The following PLIN5 variants were observed in gnomAD, a reference collection of about 807,000 sequenced individuals.
PLIN5 encodes the protein perilipin-5.
Under a neutral mutation model 32.8 loss-of-function variants are expected in PLIN5, and 34 were observed. That is an observed-to-expected ratio of 1.04 (90% confidence interval 0.79 to 1.38). The LOEUF is 1.38. PLIN5 is among the 40% of genes most tolerant of loss of function. The pLI, the probability that PLIN5 is intolerant of heterozygous loss-of-function variation, is 0.00. For missense variants in PLIN5, 712 were observed against 660.5 expected (o/e 1.08, Z -0.85); for synonymous variants, 309 against 292.9 (o/e 1.05, Z -0.56).
At chr19:4,533,940 G>T (rs1976917022) in intron 2 of PLIN5, 75 bp downstream of exon 2, 1 of 1,503,636 alleles carries the variant, frequency 6.7e-7, no homozygotes, top group Non-Finnish European at 9.1e-7. Flanking sequence ...GGGATACCTG[G>T]CCTGAAACGC....
chr19:4,532,357 T>G (rs1287533993), intron 2 of PLIN5: 2 of 152,418 alleles, frequency 1.3e-5, no homozygotes, highest in East Asian at 1.9e-4. Flanking sequence ...ATACCCGTTT[T>G]TTTTGTTTGT....
At position 4,535,162 on chromosome 19, in the gene PLIN5, C is replaced by T. The variant is rs766894076; in HGVS notation, c.-22+3G>A. ...TCCCGGACGCCGCCCTCAGGGCACTCACCTGGGCGCGAGCGGCTTCAGACA... is the reference window on the plus strand; with the variant it reads ...TCCCGGACGCCGCCCTCAGGGCACTTACCTGGGCGCGAGCGGCTTCAGACA... On this transcript the variant is annotated splice_donor_region_variant and intron_variant, in intron 1 of 7. Transcript: ENST00000381848. The T allele has an allele frequency of 2.0e-5, 3 of 151,224 alleles. No homozygotes were observed. The highest frequency in any genetic ancestry group is 4.4e-5 in the Non-Finnish European group (3 of 67,692). The allele number at this position is 151,224 out of a possible 1,614,324, so 9.4% of individuals were successfully genotyped here. A position where few individuals can be genotyped will look rare whatever the true frequency, so the allele number is the denominator to read the frequency against.
intron 2 of PLIN5, chr19:4,533,752 C>A: frequency 3.6e-6 from 2 of 559,682 alleles, no homozygotes; most frequent in Non-Finnish European, 6.3e-6. Flanking sequence ...CAGGTGGAGA[C>A]CCAGGGATCA....
Position 4,523,271 on chromosome 19 carries a change from T to C in PLIN5, c.*257A>G, listed in dbSNP as rs558010485. 2.3e-5 allele frequency: 10 copies of C among 427,086 alleles called. No homozygotes were observed. In the South Asian group the frequency reaches 2.4e-4, roughly 10 times the overall value. 26.5% of individuals were successfully genotyped at this position (427,086 alleles called of 1,614,324 possible). A position where few individuals can be genotyped will look rare whatever the true frequency, so the allele number is the denominator to read the frequency against. On this transcript the variant is annotated 3_prime_UTR_variant, in exon 8 of 8. Coordinates refer to ENST00000381848, the MANE Select transcript of PLIN5 (RefSeq NM_001013706.3). The surrounding 1 kb of genome is among the most constrained non-coding windows in gnomAD (Gnocchi z 5.0). ...CTTCATGGAGCCAGGGAGCAGGACA[T>C]AGGTGAAGAACCCAGCTTGTGGCTC... is the stretch of plus-strand genomic sequence containing the variant.
At chr19:4,527,084 T>TC (rs1976813031) in intron 5 of PLIN5, among the ~76,000 whole-genome samples, 1 of 133,000 alleles carries the variant, frequency 7.5e-6, no homozygotes, top group Admixed American at 7.1e-5. Flanking sequence ...GAAAAAAAAT[T>TC]TTTTTTTTTG....
chr19:4,529,595 A>G (rs1389747025), intron 4 of PLIN5, 189 bp downstream of exon 4: 1 of 525,980 alleles, frequency 1.9e-6, no homozygotes, highest in East Asian at 2.9e-5. Context: ...CACTATACGT[A>G]TATACATATA....
intron 3 of PLIN5, among the ~76,000 whole-genome samples, chr19:4,531,395 G>C (rs906215055): frequency 6.6e-6 from 1 of 151,758 alleles, no homozygotes; most frequent in Non-Finnish European, 1.5e-5. Flanking sequence ...CTCCTTCCTC[G>C]GCCTCCCAAA....
chr19:4,527,205 A>G (rs1199103484), intron 5 of PLIN5, among the ~76,000 whole-genome samples: 1 of 151,898 alleles, frequency 6.6e-6, no homozygotes, highest in African/African-American at 2.4e-5. Context: ...CCTCCTGAGT[A>G]GCTGGGACTA....
rs2145323091 is a variant in PLIN5, at chr19:4,525,894, TACGGGGACAGCAC to T, written c.521-75_521-63del. ...ATACGGGGACAGCACGGGGACAGGA[TACGGGGACAGCAC>T]GGGGACAGGATACGGGGACAGCACG... is the stretch of plus-strand genomic sequence containing the variant. On this transcript the variant is annotated intron_variant, in intron 5 of 7. Coordinates refer to ENST00000381848, the MANE Select transcript of PLIN5 (RefSeq NM_001013706.3). This position sits in a 1 kb window ranked among gnomAD's most constrained non-coding sequence, Gnocchi z 5.6. 1.9e-6 allele frequency: 1 copy of T among 525,946 alleles called. No homozygotes were observed. Among genetic ancestry groups the T allele is most frequent in the East Asian group, 2.7e-5 (1 of 36,484 alleles). 32.6% of individuals were successfully genotyped at this position (525,946 alleles called of 1,614,324 possible). A position where few individuals can be genotyped will look rare whatever the true frequency, so the allele number is the denominator to read the frequency against.
intron 2 of PLIN5, chr19:4,533,692 ATTG>A (rs921363653): frequency 2.3e-5 from 12 of 511,614 alleles, no homozygotes; most frequent in Admixed American, 1.7e-4. Flanking sequence ...TGCTCTTACT[ATTG>A]TTGTTACTGA....
Position 4,523,482 on chromosome 19 carries a change from G to T in PLIN5, c.*46C>A. 6.6e-7 allele frequency: 1 copy of T among 1,510,786 alleles called. No individual in the cohort carries two copies. Among genetic ancestry groups the T allele is most frequent in the Non-Finnish European group, 8.9e-7 (1 of 1,126,922 alleles). The allele number at this position is 1,510,786 out of a possible 1,614,324, so 93.6% of individuals were successfully genotyped here. ...TGGCCACCAGGGGGCAGCAGGGATCGGGGTGTGCAGGTGGCCTTTCCTCCC... is the reference window on the plus strand; with the variant it reads ...TGGCCACCAGGGGGCAGCAGGGATCTGGGTGTGCAGGTGGCCTTTCCTCCC... On this transcript the variant is annotated 3_prime_UTR_variant, in exon 8 of 8. Transcript: ENST00000381848. The surrounding 1 kb of genome is among the most constrained non-coding windows in gnomAD (Gnocchi z 5.0).
Position 4,531,674 on chromosome 19 carries a change from C to T in PLIN5, c.209G>A (p.Arg70His), listed in dbSNP as rs368842736. 4.0e-5 allele frequency: 62 copies of T among 1,545,816 alleles called. No individual in the cohort carries two copies. Among genetic ancestry groups the T allele is most frequent in the Admixed American group, 5.8e-5 (3 of 51,594 alleles). The stretch of plus-strand genomic sequence containing the variant: ...CAGCGGCTGGGCGTGGTCCAGGGCA[C>T]GGGTGGTCAGGCCGCACACGCAGTT... ...AENCVCGLTT[R>H]ALDHAQPLLE... is the part of the protein sequence containing the mutation. Residue 70 changes from arginine (R) to histidine (H), a missense_variant, in exon 3 of 8, where the codon CGT (arginine) becomes CAT (histidine). Physicochemically the swap from Arg to His is conservative, Grantham distance 29. Coordinates refer to ENST00000381848, the MANE Select transcript of PLIN5 (RefSeq NM_001013706.3).
intron 7 of PLIN5, among the ~76,000 whole-genome samples, chr19:4,524,343 G>A (rs541818763): frequency 4.8e-4 from 73 of 152,290 alleles, no homozygotes; most frequent in Non-Finnish European, 8.2e-4. Flanking sequence ...CCTGAGGTGC[G>A]GAGTTCAAGA....
rs780779953 is a variant in PLIN5, at chr19:4,531,693, C to T, written c.190G>A (p.Val64Met). The change falls in exon 3 of 8, where the codon GTG becomes ATG. Residue 64 changes from valine to methionine, a missense_variant. Val to Met is a conservative substitution (Grantham distance 21). Coordinates refer to ENST00000381848, the MANE Select transcript of PLIN5 (RefSeq NM_001013706.3). ...GSACRLAENC[V>M]CGLTTRALDH... is the part of the protein sequence containing the mutation. ...AGGGCACGGGTGGTCAGGCCGCACA[C>T]GCAGTTCTCAGCCAGGCGGCAGGCG... 70 of 1,562,268 alleles carry T rather than the reference C, an allele frequency of 4.5e-5. No homozygotes were observed. The highest frequency in any genetic ancestry group is 4.5e-4 in the Admixed American group (24 of 53,820).
In PLIN5 at chr19:4,531,927, A is replaced by G. The variant is rs1976891457; in HGVS notation, c.61-105T>C. The stretch of plus-strand genomic sequence containing the variant: ...GCCAGGACGAGGGATGGGAGAGTGG[A>G]AGGATGGAGTACTGAGCACCCCGCC... On this transcript the variant is annotated intron_variant, in intron 2 of 7. Coordinates refer to ENST00000381848, the MANE Select transcript of PLIN5 (RefSeq NM_001013706.3). The G allele has an allele frequency of 9.0e-6, 11 of 1,226,596 alleles. No homozygotes were observed. In the South Asian group the frequency reaches 1.9e-4, roughly 21 times the overall value. 76.0% of individuals were successfully genotyped at this position (1,226,596 alleles called of 1,614,324 possible). A position where few individuals can be genotyped will look rare whatever the true frequency, so the allele number is the denominator to read the frequency against.
chr19:4,525,675 A>T lies in PLIN5; in HGVS notation c.678T>A (p.Arg226=). ...SVGKLRQSKH[R]AQDTLAQLQE... is the part of the protein sequence containing the mutation. The stretch of plus-strand genomic sequence containing the variant: ...GCAGCTGGGCCAGGGTGTCCTGGGC[A>T]CGGTGTTTGCTCTGCCTCAGTTTCC... Residue 226 remains arginine, a synonymous_variant, in exon 6 of 8, where the codon CGT becomes CGA. Coordinates refer to ENST00000381848, the MANE Select transcript of PLIN5 (RefSeq NM_001013706.3). This position sits in a 1 kb window ranked among gnomAD's most constrained non-coding sequence, Gnocchi z 5.6. 1 of 1,613,674 alleles carries T rather than the reference A, an allele frequency of 6.2e-7. No individual in the cohort carries two copies. Among genetic ancestry groups the T allele is most frequent in the Non-Finnish European group, 8.5e-7 (1 of 1,180,008 alleles).
At position 4,525,679 on chromosome 19, in the gene PLIN5, T is replaced by G. The variant is rs1258228798; in HGVS notation, c.674A>C (p.His225Pro). The change falls in exon 6 of 8, where the codon CAC becomes CCC. Residue 225 changes from histidine (H) to proline (P), a missense_variant. Coordinates refer to ENST00000381848, the MANE Select transcript of PLIN5 (RefSeq NM_001013706.3). The surrounding 1 kb of genome is among the most constrained non-coding windows in gnomAD (Gnocchi z 5.6). ...HSVGKLRQSK[H>P]RAQDTLAQLQ... is the part of the protein sequence containing the mutation. ...CTGGGCCAGGGTGTCCTGGGCACGG[T>G]GTTTGCTCTGCCTCAGTTTCCCCAC... 6.2e-7 allele frequency: 1 copy of G among 1,613,620 alleles called. No individual in the cohort carries two copies. Among genetic ancestry groups the G allele is most frequent in the South Asian group, 1.1e-5 (1 of 91,086 alleles).
At chr19:4,527,941 G>T (rs953825122) in intron 5 of PLIN5, among the ~76,000 whole-genome samples, 2 of 148,948 alleles carry the variant, frequency 1.3e-5, no homozygotes, top group African/African-American at 5.0e-5. Flanking sequence ...ATAGAGTCTC[G>T]CTCTGTCACC....
At chr19:4,531,018 T>C (rs1361144741) in intron 3 of PLIN5, among the ~76,000 whole-genome samples, 1 of 150,008 alleles carries the variant, frequency 6.7e-6, no homozygotes, top group South Asian at 2.1e-4. Context: ...TTTTTTTTTT[T>C]GAAATGGAGT....
Sources: allele counts gnomAD v4.1 joint callset (sites outside exome capture counted in the v4.1 genomes callset), GRCh38; gene constraint gnomAD v4.1.1; non-coding constraint Gnocchi (gnomAD v3.1); transcripts MANE v1.5; gene names NCBI Gene and HGNC (gene_info 2026-07-23, HGNC 2026-07-21).